The following PTGES2 variants were observed in gnomAD, a reference collection of about 807,000 sequenced individuals.
PTGES2 encodes GATE-binding factor 1.
PTGES2 carries 35 observed loss-of-function variants against 44.5 expected under a neutral mutation model. The ratio of observed to expected loss-of-function variants is 0.79; its 90% CI spans 0.60 to 1.04. The LOEUF (loss-of-function observed/expected upper bound fraction) is 1.04, where lower values mean the gene tolerates loss of function less well. Among genes scored for constraint, PTGES2 ranks in the 50% least tolerant of loss-of-function variants. The probability of loss-of-function intolerance (pLI) is 0.00; values close to 1 mark genes in which losing one functional copy is unlikely to be tolerated. For synonymous variants in PTGES2, 221 were observed against 227.5 expected (o/e 0.97, Z 0.26); for missense variants, 517 against 521.4 (o/e 0.99, Z 0.08).
intron 1 of PTGES2, among the ~76,000 whole-genome samples, chr9:128,125,949 C>A (rs974232334): frequency 2.6e-5 from 4 of 152,220 alleles, no homozygotes; most frequent in Admixed American, 1.3e-4. Flanking sequence ...CTCTGCCATC[C>A]AAGCTGGAGT....
At chr9:128,125,762 G>C (rs892587912) in intron 1 of PTGES2, among the ~76,000 whole-genome samples, 1 of 152,122 alleles carries the variant, frequency 6.6e-6, no homozygotes, top group East Asian at 1.9e-4. Flanking sequence ...CAGCCCCAGG[G>C]TATACACCCC....
chr9:128,127,302 A>T, intron 1 of PTGES2, 137 bp downstream of exon 1: 1 of 661,756 alleles, frequency 1.5e-6, no homozygotes, highest in African/African-American at 1.9e-5. Flanking sequence ...AAGAATACAG[A>T]GGGTTCGGAG....
Position 128,127,643 on chromosome 9 carries a change from G to A in PTGES2, c.75C>T (p.Arg25=). ...TCTGCGTGGGTAGCAGCGGCTGGGG[G>A]CGGCCTCCCAGCCTCCAGGCCAAGG... ...GCALAWRLGG[R]PQPLLPTQSR... is the part of the protein sequence containing the mutation. Residue 25 remains arginine, a synonymous_variant, in exon 1 of 7, where the codon CGC becomes CGT. Coordinates refer to ENST00000338961, the MANE Select transcript of PTGES2 (RefSeq NM_025072.7). The A allele has an allele frequency of 7.9e-7, 1 of 1,270,642 alleles. No individual in the cohort carries two copies. The highest frequency in any genetic ancestry group is 9.9e-7 in the Non-Finnish European group (1 of 1,009,452). The allele number at this position is 1,270,642 out of a possible 1,614,324, so 78.7% of individuals were successfully genotyped here.
upstream of PTGES2, chr9:128,127,794 C>T (rs1588075811): frequency 8.3e-7 from 1 of 1,209,398 alleles, no homozygotes; most frequent in African/African-American, 1.6e-5. Flanking sequence ...AGGGCCAGGA[C>T]TCTGGCGCCC....
chr9:128,128,165 G>C (rs1175966869), upstream of PTGES2: 5 of 130,154 alleles, frequency 3.8e-5, no homozygotes, highest in African/African-American at 4.6e-4. Flanking sequence ...ACCCGACCCG[G>C]CACCAGGTGT....
rs765488191 is a variant in PTGES2, at chr9:128,127,479, A to T, written c.239T>A (p.Leu80Gln). The change falls in exon 1 of 7, where the codon CTG becomes CAG. Residue 80 changes from leucine to glutamine, a missense_variant. Coordinates refer to ENST00000338961, the MANE Select transcript of PTGES2 (RefSeq NM_025072.7). ...LGLYHTARWH[L>Q]RAQDLHAERS... is the part of the protein sequence containing the mutation. ...CTCTGCGTGGAGGTCCTGGGCGCGC[A>T]GGTGCCACCGCGCCGTGTGGTACAG... is the stretch of plus-strand genomic sequence containing the variant. 7 of 1,402,646 alleles carry T rather than the reference A, an allele frequency of 5.0e-6. No individual in the cohort carries two copies. The highest frequency in any genetic ancestry group is 6.5e-6 in the Non-Finnish European group (7 of 1,074,008). The allele number at this position is 1,402,646 out of a possible 1,614,324, so 86.9% of individuals were successfully genotyped here.
upstream of PTGES2, chr9:128,127,763 C>T (rs985829791): frequency 5.6e-6 from 7 of 1,242,540 alleles, no homozygotes; most frequent in Non-Finnish European, 7.1e-6. Context: ...ACGAAGACGC[C>T]GAGGCACGCG....
chr9:128,121,787 C>T (rs1270664549), intron 6 of PTGES2, among the ~76,000 whole-genome samples: 1 of 152,144 alleles, frequency 6.6e-6, no homozygotes, highest in East Asian at 1.9e-4. Flanking sequence ...GTGGCACAGG[C>T]CTGTAATCCC....
chr9:128,122,833 T>C, intron 5 of PTGES2, 101 bp downstream of exon 5: 1 of 1,303,698 alleles, frequency 7.7e-7, no homozygotes, highest in African/African-American at 1.4e-5. Context: ...GCCCTAGGCC[T>C]CGGCCTCCCG....
chr9:128,123,851 C>A lies in PTGES2; in HGVS notation c.537G>T (p.Gly179=), dbSNP rs762945968. Residue 179 remains glycine, a splice_region_variant and synonymous_variant, in exon 4 of 7, where the codon GGG becomes GGT. Transcript: ENST00000338961. The surrounding 1 kb of genome is among the most constrained non-coding windows in gnomAD (Gnocchi z 4.4). The part of the protein sequence containing the change: ...ISALKTYLVS[G]QPLEEIITYY... ...AGGTGATGATCTCTTCCAGGGGCTG[C>A]CTTCGGAGAGAGCCACAATATCACC... The A allele has an allele frequency of 1.9e-6, 3 of 1,612,346 alleles. No homozygotes were observed. Among genetic ancestry groups the A allele is most frequent in the Non-Finnish European group, 2.5e-6 (3 of 1,178,730 alleles).
At chr9:128,126,831 G>A (rs1048358314) in intron 1 of PTGES2, among the ~76,000 whole-genome samples, 5 of 148,300 alleles carry the variant, frequency 3.4e-5, no homozygotes, top group Non-Finnish European at 5.9e-5. Flanking sequence ...CTGCACTCCA[G>A]CCTGGGCAAC....
At position 128,122,370 on chromosome 9, in the gene PTGES2, C is replaced by T. The variant is rs753136190; in HGVS notation, c.997G>A (p.Ala333Thr). 21 of 1,613,460 alleles carry T rather than the reference C, an allele frequency of 1.3e-5. No individual in the cohort carries two copies. Among genetic ancestry groups the T allele is most frequent in the Middle Eastern group, 1.6e-4 (1 of 6,080 alleles). The change falls in exon 6 of 7, where the codon GCT (alanine) becomes ACT (threonine). Residue 333 changes from alanine to threonine, a missense_variant. By Grantham distance (58) the Ala-to-Thr change is moderately conservative (BLOSUM62 0). Transcript: ENST00000338961. ...GCCACCACCACACTCACCAAATCAG[C>T]GAGATTCGGCTTCTGGCCCCCCATG... is the stretch of plus-strand genomic sequence containing the variant. ...PFMGGQKPNL[A>T]DLAVYGVLRV...
intron 1 of PTGES2, 96 bp from the exon 2 acceptor site, chr9:128,125,537 C>G (rs905362629): frequency 2.7e-6 from 3 of 1,127,348 alleles, no homozygotes; most frequent in Non-Finnish European, 3.9e-6. Context: ...TCTGAAATGA[C>G]GCTAGAACAT....
At position 128,120,876 on chromosome 9, in the gene PTGES2, A is replaced by T; in HGVS notation, c.*269T>A. On this transcript the variant is annotated 3_prime_UTR_variant, in exon 7 of 7. Transcript: ENST00000338961. ...CACAGGATGTAGCCATGGGACAGCC[A>T]CTGAGGGTCCAGGAAGAGGGGCGGC... is the stretch of plus-strand genomic sequence containing the variant. 6.1e-6 allele frequency: 3 copies of T among 494,386 alleles called. No homozygotes were observed. The allele number at this position is 494,386 out of a possible 1,614,324, so 30.6% of individuals were successfully genotyped here.
chr9:128,126,527 T>C (rs1196622011), intron 1 of PTGES2, among the ~76,000 whole-genome samples: 1 of 152,140 alleles, frequency 6.6e-6, no homozygotes, highest in Admixed American at 6.5e-5. Context: ...GGCTTTCCCT[T>C]TCCTGTGATC....
chr9:128,122,119 T>A (rs984627893), intron 6 of PTGES2, among the ~76,000 whole-genome samples: 2 of 152,320 alleles, frequency 1.3e-5, no homozygotes, highest in Middle Eastern at 3.4e-3. Flanking sequence ...CCCGGGCCTC[T>A]GGATCCAGCA....
In PTGES2 at chr9:128,127,678, C is replaced by A; in HGVS notation, c.40G>T (p.Gly14Cys). The A allele has an allele frequency of 7.7e-7, 1 of 1,298,326 alleles. No individual in the cohort carries two copies. Among genetic ancestry groups the A allele is most frequent in the South Asian group, 2.3e-5 (1 of 43,688 alleles). 80.4% of individuals were successfully genotyped at this position (1,298,326 alleles called of 1,614,324 possible). The change falls in exon 1 of 7, where the codon GGT (glycine) becomes TGT (cysteine). Residue 14 changes from glycine (G) to cysteine (C), a missense_variant. Physicochemically the swap from Gly to Cys is radical, Grantham distance 159. Transcript: ENST00000338961. ...AGCCTCCAGGCCAAGGCGCACCCACCAGGCCACAGCGCCCGCACCACCCGC... is the reference window on the plus strand; with the variant it reads ...AGCCTCCAGGCCAAGGCGCACCCACAAGGCCACAGCGCCCGCACCACCCGC... The part of the protein sequence containing the change: ...AARVVRALWP[G>C]GCALAWRLGG...
intron 1 of PTGES2, among the ~76,000 whole-genome samples, chr9:128,125,828 T>C (rs1214365770): frequency 6.6e-6 from 1 of 152,204 alleles, no homozygotes; most frequent in Non-Finnish European, 1.5e-5. Flanking sequence ...CTCACTCCTC[T>C]AACCCCAGGG....
At chr9:128,128,434 C>G (rs1198991485), upstream of PTGES2, 1 of 443,722 alleles carries the variant, frequency 2.3e-6, no homozygotes, top group Admixed American at 2.5e-5. Flanking sequence ...GCGGACAGCC[C>G]CGGGATGGCC....
Sources: allele counts gnomAD v4.1 joint callset (sites outside exome capture counted in the v4.1 genomes callset), GRCh38; gene constraint gnomAD v4.1.1; non-coding constraint Gnocchi (gnomAD v3.1); transcripts MANE v1.5; gene names NCBI Gene and HGNC (gene_info 2026-07-23, HGNC 2026-07-21).